The following DLC1 variants were observed in gnomAD, a reference collection of about 807,000 sequenced individuals.
The protein encoded by DLC1 is DLC1 Rho GTPase activating protein.
DLC1 carries 54 observed loss-of-function variants against 140.3 expected under a neutral mutation model. The observed-to-expected ratio is 0.38, with a 90% CI of 0.31 to 0.48. The LOEUF (loss-of-function observed/expected upper bound fraction) is 0.48. Ranked by LOEUF, DLC1 falls within the 20% of genes least tolerant of loss-of-function variation. DLC1 has a pLI of 0.96. For missense variants in DLC1, 2,536 were observed against 1,907.0 expected (o/e 1.33, Z -6.14); for synonymous variants, 986 against 728.1 (o/e 1.35, Z -5.70).
intron 2 of DLC1, among the ~76,000 whole-genome samples, chr8:13,445,285 G>T (rs1163078971): frequency 6.6e-6 from 1 of 152,182 alleles, no homozygotes; most frequent in African/African-American, 2.4e-5. Context: ...CTTTAACCAG[G>T]GAACAGAAAG....
At chr8:13,105,785 C>T (rs1819517049) in intron 7 of DLC1, among the ~76,000 whole-genome samples, 2 of 152,042 alleles carry the variant, frequency 1.3e-5, no homozygotes, top group Non-Finnish European at 2.9e-5. Context: ...TGCCATGTTG[C>T]CCGGCTGGTC....
chr8:13,495,272 A>C (rs915847538), intron 2 of DLC1, among the ~76,000 whole-genome samples: 3 of 152,156 alleles, frequency 2.0e-5, no homozygotes, highest in Non-Finnish European at 4.4e-5. Flanking sequence ...CTTTAAGAAA[A>C]AATGTCTAAC....
intron 5 of DLC1, among the ~76,000 whole-genome samples, chr8:13,240,483 T>A (rs993294645): frequency 6.6e-6 from 1 of 152,178 alleles, no homozygotes; most frequent in Non-Finnish European, 1.5e-5. Context: ...TCCAGTTATA[T>A]GATCACAGCT....
chr8:13,353,890 T>C (rs1021567110), intron 4 of DLC1, among the ~76,000 whole-genome samples: 2 of 152,044 alleles, frequency 1.3e-5, no homozygotes, highest in African/African-American at 4.8e-5. Flanking sequence ...TCTCAAATAC[T>C]TTGTAACGTG....
chr8:13,172,214 G>T (rs947570207), intron 5 of DLC1, among the ~76,000 whole-genome samples: 2 of 152,184 alleles, frequency 1.3e-5, no homozygotes, highest in Non-Finnish European at 2.9e-5. Flanking sequence ...AGCCTTGTAT[G>T]GGTGCTTCTG....
rs71207139 is a variant in DLC1, at chr8:13,312,386, A to AAAAAAAT, written c.1315-7085_1315-7084insATTTTTT. 2.1e-3 allele frequency among the ~76,000 whole-genome samples: 170 copies of AAAAAAAT among 81,660 alleles called. 18 individuals carry two copies. The highest frequency in any genetic ancestry group is 7.7e-3 in the Middle Eastern group (1 of 130). The allele number at this position is 81,660 out of a possible 152,430, so 53.6% of individuals were successfully genotyped here. ...AAAAAAAAAAAAAAAAAAAAAAAAA[A>AAAAAAAT]AATAATTTCTTTAGCAAGCTAGATA... On this transcript the variant is annotated intron_variant, in intron 4 of 17. Coordinates refer to ENST00000276297, the MANE Select transcript of DLC1 (RefSeq NM_182643.3).
intron 5 of DLC1, among the ~76,000 whole-genome samples, chr8:13,276,077 C>T (rs1051456741): frequency 1.3e-5 from 2 of 152,224 alleles, no homozygotes; most frequent in African/African-American, 4.8e-5. Context: ...ACACAAAAAT[C>T]TCAACACTCC....
chr8:13,365,016 G>T (rs1180864577), intron 4 of DLC1, among the ~76,000 whole-genome samples: 3 of 152,174 alleles, frequency 2.0e-5, no homozygotes, highest in African/African-American at 4.8e-5. Context: ...CCACAGACTT[G>T]CAACACTTTC....
chr8:13,529,315 A>T (rs1007649868), intron 1 of DLC1, among the ~76,000 whole-genome samples: 4 of 152,188 alleles, frequency 2.6e-5, no homozygotes, highest in Admixed American at 2.0e-4. Flanking sequence ...TTGTCACCTG[A>T]TAATTTCTAT....
chr8:13,371,358 CAT>C (rs990274461), intron 4 of DLC1, among the ~76,000 whole-genome samples: 3 of 152,234 alleles, frequency 2.0e-5, no homozygotes, highest in East Asian at 1.9e-4. Flanking sequence ...CCAAAATGCA[CAT>C]ATGTTTTTCT....
intron 5 of DLC1, among the ~76,000 whole-genome samples, chr8:13,166,365 G>C (rs147580413): frequency 0.024 from 3,638 of 151,730 alleles, 150 homozygotes; most frequent in African/African-American, 0.081. Flanking sequence ...TTTTTTAGAC[G>C]GGGTCTGCTC....
intron 4 of DLC1, among the ~76,000 whole-genome samples, chr8:13,371,820 C>G (rs772990266): frequency 2.6e-5 from 4 of 152,138 alleles, no homozygotes; most frequent in Non-Finnish European, 5.9e-5. Flanking sequence ...TGTAGCTCCA[C>G]TATCCAGCAC....
rs113615002 is a variant in DLC1 at position 13,254,387 on chromosome 8, T to C, written c.1348+50882A>G. 3.2e-3 allele frequency among the ~76,000 whole-genome samples: 487 copies of C among 152,280 alleles called. 2 individuals carry two copies. Among genetic ancestry groups the C allele is most frequent in the African/African-American group, 0.011 (457 of 41,564 alleles). On this transcript the variant is annotated intron_variant, in intron 5 of 17. Coordinates refer to ENST00000276297, the MANE Select transcript of DLC1 (RefSeq NM_182643.3). ...AAGGATGAACTTCTGGGTTTCTGTT[T>C]TCTATGTGTACCCTTTCACATCTCC...
chr8:13,249,408 T>C (rs1233760885), intron 5 of DLC1, among the ~76,000 whole-genome samples: 3 of 152,130 alleles, frequency 2.0e-5, no homozygotes, highest in Non-Finnish European at 4.4e-5. Flanking sequence ...GACTGTATTG[T>C]CTCCACTGCA....
At chr8:13,581,482 TC>T (rs1805096894) in intron 1 of DLC1, among the ~76,000 whole-genome samples, 1 of 152,346 alleles carries the variant, frequency 6.6e-6, no homozygotes, top group Non-Finnish European at 1.5e-5. Context: ...TCACTGCTTT[TC>T]TTTCTCTGAT....
intron 5 of DLC1, among the ~76,000 whole-genome samples, chr8:13,258,468 G>A (rs1830342655): frequency 6.6e-6 from 1 of 152,156 alleles, no homozygotes; most frequent in African/African-American, 2.4e-5. Flanking sequence ...TATAATATCT[G>A]CTTCCTGATT....
At chr8:13,382,505 C>CAAAAAAAA (rs71207149) in intron 4 of DLC1, among the ~76,000 whole-genome samples, 26 of 35,502 alleles carry the variant, frequency 7.3e-4, no homozygotes, top group Non-Finnish European at 1.0e-3. Flanking sequence ...GACTCCGTCT[C>CAAAAAAAA]AAAAAAAAAA....
At chr8:13,158,845 T>C (rs1824465184) in intron 5 of DLC1, among the ~76,000 whole-genome samples, 3 of 151,364 alleles carry the variant, frequency 2.0e-5, no homozygotes, top group Non-Finnish European at 4.4e-5. Flanking sequence ...AGCTTCATTT[T>C]ATGACAGAGA....
chr8:13,587,560 C>CAA (rs1805368595), intron 1 of DLC1, among the ~76,000 whole-genome samples: 1 of 146,324 alleles, frequency 6.8e-6, no homozygotes, highest in South Asian at 2.2e-4. Flanking sequence ...CACACACACA[C>CAA]ACACACACAG....
Sources: allele counts gnomAD v4.1 joint callset (sites outside exome capture counted in the v4.1 genomes callset), GRCh38; gene constraint gnomAD v4.1.1; transcripts MANE v1.5; gene names NCBI Gene and HGNC (gene_info 2026-07-23, HGNC 2026-07-21).